P2RX7: variants seen among roughly 807,000 people sequenced by gnomAD.
P2RX7 encodes the protein P2X purinoceptor 7.
P2RX7 carries 62 observed loss-of-function variants against 71.6 expected under a neutral mutation model. The observed-to-expected ratio is 0.87, with a 90% CI of 0.71 to 1.07. The LOEUF is 1.07. Among genes scored for constraint, P2RX7 ranks in the 50% least tolerant of loss-of-function variants. The pLI is 0.00. For missense variants in P2RX7, 686 were observed against 748.5 expected (o/e 0.92, Z 0.97); for synonymous variants, 299 against 283.3 (o/e 1.06, Z -0.56).
rs1223239255 is a variant in P2RX7, at chr12:121,187,954, A to G, written c.*3152A>G. ...TTTCTAAAGGGGAGTAACTTTTTAAACCCTTCCTGATTTTAGCCTGGCAAT... is the reference window on the plus strand; with the variant it reads ...TTTCTAAAGGGGAGTAACTTTTTAAGCCCTTCCTGATTTTAGCCTGGCAAT... On this transcript the variant is annotated 3_prime_UTR_variant, in exon 13 of 13. Coordinates refer to ENST00000328963, the MANE Select transcript of P2RX7 (RefSeq NM_002562.6). 6.6e-6 allele frequency: 1 copy of G among 151,894 alleles called. No homozygotes were observed. Among genetic ancestry groups the G allele is most frequent in the Non-Finnish European group, 1.5e-5 (1 of 67,988 alleles). 9.4% of individuals were successfully genotyped at this position (151,894 alleles called of 1,614,324 possible). A position where few individuals can be genotyped will look rare whatever the true frequency, so the allele number is the denominator to read the frequency against.
chr12:121,152,650 G>T (rs1877692092), intron 1 of P2RX7, among the ~76,000 whole-genome samples: 1 of 152,226 alleles, frequency 6.6e-6, no homozygotes, highest in South Asian at 2.1e-4. Flanking sequence ...CTCCCGAATA[G>T]GTGGGATTAC....
intron 8 of P2RX7, among the ~76,000 whole-genome samples, chr12:121,167,838 A>G (rs1881420133): frequency 6.7e-6 from 1 of 149,668 alleles, no homozygotes; most frequent in Non-Finnish European, 1.5e-5. Flanking sequence ...TTTGAAATGG[A>G]GTCTCACTCT....
intron 7 of P2RX7, among the ~76,000 whole-genome samples, chr12:121,166,486 G>C (rs1332721940): frequency 2.0e-5 from 3 of 152,182 alleles, no homozygotes; most frequent in Non-Finnish European, 4.4e-5. Context: ...TCAGAAGTTG[G>C]AGATGATTTT....
chr12:121,173,924 G>A (rs186696533), intron 8 of P2RX7, among the ~76,000 whole-genome samples: 1 of 152,194 alleles, frequency 6.6e-6, no homozygotes, highest in East Asian at 1.9e-4. Flanking sequence ...ATGGCTTGAA[G>A]CCAGGAGTTC....
chr12:121,175,415 T>C lies in P2RX7; in HGVS notation c.909T>C (p.Asn303=), dbSNP rs556306311. Residue 303 remains asparagine, a synonymous_variant, in exon 9 of 13, where the codon AAT becomes AAC. Coordinates refer to ENST00000328963, the MANE Select transcript of P2RX7 (RefSeq NM_002562.6). ...FRYAKYYKEN[N]VEKRTLIKVF... Reference sequence around the variant, plus strand: ...ACGCCAAGTACTACAAGGAAAACAATGTTGAGAAACGGACTCTGATAAAAG... The same window carrying C: ...ACGCCAAGTACTACAAGGAAAACAACGTTGAGAAACGGACTCTGATAAAAG... The C allele has an allele frequency of 8.7e-6, 14 of 1,603,956 alleles. No homozygotes were observed. The South Asian group carries it at 8.8e-5, about 10-fold the overall frequency.
chr12:121,133,912 C>T (rs988597828), intron 1 of P2RX7, among the ~76,000 whole-genome samples: 15 of 151,948 alleles, frequency 9.9e-5, no homozygotes, highest in Non-Finnish European at 2.1e-4. Flanking sequence ...TTTAAAGAGA[C>T]GGGGTCTCAC....
At chr12:121,165,472 C>T (rs374108236) in intron 6 of P2RX7, 35 bp downstream of exon 6, 2 of 1,496,862 alleles carry the variant, frequency 1.3e-6, no homozygotes, top group African/African-American at 1.4e-5. Context: ...TCTTAGTTAT[C>T]TACTGCTGAG....
At chr12:121,180,617 A>G (rs1389696101) in intron 12 of P2RX7, among the ~76,000 whole-genome samples, 162 bp downstream of exon 12, 1 of 152,142 alleles carries the variant, frequency 6.6e-6, no homozygotes, top group African/African-American at 2.4e-5. Context: ...TACTAGCAGG[A>G]GTCCCTTTTA....
intron 11 of P2RX7, among the ~76,000 whole-genome samples, chr12:121,177,687 CATTTATTT>C (rs140201550): frequency 0.013 from 1,910 of 142,420 alleles, 28 homozygotes; most frequent in African/African-American, 0.036. Flanking sequence ...CCAATTTTGT[CATTTATTT>C]ATTTATTTAT....
rs530785923 is a variant in P2RX7 at position 121,154,492 on chromosome 12, G to A, written c.126-293G>A. Among the ~76,000 whole-genome samples the A allele has an allele frequency of 2.0e-5, 3 of 152,266 alleles. No individual in the cohort carries two copies. Among genetic ancestry groups the A allele is most frequent in the African/African-American group, 7.2e-5 (3 of 41,552 alleles). On this transcript the variant is annotated intron_variant, in intron 1 of 12. Coordinates refer to ENST00000328963, the MANE Select transcript of P2RX7 (RefSeq NM_002562.6). This position sits in a 1 kb window ranked among gnomAD's most constrained non-coding sequence, Gnocchi z 4.2. ...AGCTGTCCTATCTATGAGGGTCCAT[G>A]TTAGGGAATATTAAAGAATAGGATT...
intron 3 of P2RX7, among the ~76,000 whole-genome samples, chr12:121,157,982 A>T (rs947557799): frequency 6.6e-6 from 1 of 152,178 alleles, no homozygotes; most frequent in African/African-American, 2.4e-5. Context: ...CTGGAACCCA[A>T]CAGGTTCCAT....
At chr12:121,152,338 TA>T (rs1452185370) in intron 1 of P2RX7, among the ~76,000 whole-genome samples, 3 of 151,990 alleles carry the variant, frequency 2.0e-5, no homozygotes, top group South Asian at 2.1e-4. Flanking sequence ...ATTTTATTAT[TA>T]TTTTTTTGAG....
rs1435763596 is a variant in P2RX7, at chr12:121,165,405, C to T, written c.582C>T (p.Asn194=). 1.9e-6 allele frequency: 3 copies of T among 1,614,096 alleles called. No individual in the cohort carries two copies. Among genetic ancestry groups the T allele is most frequent in the Non-Finnish European group, 2.5e-6 (3 of 1,180,000 alleles). The change falls in exon 6 of 13, where the codon AAC becomes AAT. Residue 194 remains asparagine (N), a synonymous_variant. Transcript: ENST00000328963. ...SAENFTVLIK[N]NIDFPGHNYT... ...AAAACTTCACTGTGCTCATCAAGAA[C>T]AATATCGACTTCCCCGGCCACAACT...
chr12:121,136,532 G>A (rs145984668), intron 1 of P2RX7, among the ~76,000 whole-genome samples: 2,609 of 151,874 alleles, frequency 0.017, 79 homozygotes, highest in African/African-American at 0.058. Flanking sequence ...ATGTTGCTCA[G>A]GCTAGTCTCA....
chr12:121,160,496 C>T (rs1471498525), intron 3 of P2RX7, among the ~76,000 whole-genome samples: 1 of 152,114 alleles, frequency 6.6e-6, no homozygotes, highest in Admixed American at 6.5e-5. Context: ...AATCCAGTAG[C>T]AGTCACTCCC....
chr12:121,163,346 ACACACACACACG>A (rs968498324), intron 5 of P2RX7, among the ~76,000 whole-genome samples: 4 of 128,572 alleles, frequency 3.1e-5, no homozygotes, highest in Admixed American at 1.6e-4. Context: ...ACACACACAC[ACACACACACACG>A]CACACACACA....
Position 121,156,138 on chromosome 12 carries a change from G to A in P2RX7, c.354G>A (p.Leu118=). Residue 118 remains leucine, a synonymous_variant, in exon 3 of 13, where the codon TTG becomes TTA. Coordinates refer to ENST00000328963, the MANE Select transcript of P2RX7 (RefSeq NM_002562.6). ...FLKTEGQEQR[L]CPEYPTRRTL... ...AAACAGAAGGCCAAGAGCAGCGGTTGTGTCCCGAGGTAAGGAGGGGACCTG... is the reference window on the plus strand; with the variant it reads ...AAACAGAAGGCCAAGAGCAGCGGTTATGTCCCGAGGTAAGGAGGGGACCTG... 6.2e-7 allele frequency: 1 copy of A among 1,614,090 alleles called. No individual in the cohort carries two copies. The highest frequency in any genetic ancestry group is 1.1e-5 in the South Asian group (1 of 91,090).
intron 1 of P2RX7, among the ~76,000 whole-genome samples, chr12:121,143,747 G>A (rs1875522273): frequency 6.6e-6 from 1 of 151,674 alleles, no homozygotes; most frequent in Non-Finnish European, 1.5e-5. Flanking sequence ...AGCTACTCGG[G>A]AGGCTGAGGC....
chr12:121,147,318 G>T (rs999593919), intron 1 of P2RX7, among the ~76,000 whole-genome samples: 7 of 152,070 alleles, frequency 4.6e-5, no homozygotes, highest in South Asian at 2.1e-4. Context: ...TATAGAGTTG[G>T]TTTTTTGTTT....
Sources: gnomAD v4.1 joint callset for allele counts (sites outside exome capture counted in the v4.1 genomes callset) on GRCh38, gnomAD v4.1.1 for gene constraint, Gnocchi (gnomAD v3.1) non-coding constraint, MANE v1.5 for transcripts, NCBI Gene and HGNC (gene_info 2026-07-23, HGNC 2026-07-21) for gene names.